METTL15: variants seen among roughly 807,000 people sequenced by gnomAD.
The protein encoded by METTL15 is methyltransferase 15, mitochondrial 12S rRNA N4-cytidine, also known as 12S rRNA N(4)-cytidine methyltransferase METTL15.
In METTL15, 34 loss-of-function variants were observed where a neutral mutation model predicts 38.3. The observed-to-expected ratio is 0.89, with a 90% CI of 0.68 to 1.18. The LOEUF (loss-of-function observed/expected upper bound fraction) is 1.18. Among genes scored for constraint, METTL15 ranks in the 50% most tolerant of loss-of-function variants. The pLI, the probability that METTL15 is intolerant of heterozygous loss-of-function variation, is 0.00. For synonymous variants in METTL15, 162 were observed against 170.9 expected (o/e 0.95, Z 0.41); for missense variants, 438 against 498.4 (o/e 0.88, Z 1.15).
At chr11:28,274,440 A>G (rs1565216780) in intron 4 of METTL15, among the ~76,000 whole-genome samples, 1 of 151,994 alleles carries the variant, frequency 6.6e-6, no homozygotes, top group Non-Finnish European at 1.5e-5. Flanking sequence ...TCATTTCAGT[A>G]TTCTAGTACT....
chr11:28,174,027 G>A lies in METTL15; in HGVS notation c.271-37035G>A, dbSNP rs549487663. 3.9e-5 allele frequency among the ~76,000 whole-genome samples: 6 copies of A among 152,224 alleles called. No homozygotes were observed. In the East Asian group the frequency reaches 7.7e-4, roughly 20 times the overall value. On this transcript the variant is annotated intron_variant, in intron 3 of 6. Transcript: ENST00000407364. ...GGCTGTGTTTACAGATTTCTCCATT[G>A]TAAAGTTACTCATTTTTTCCTTTTG...
chr11:28,153,075 T>C (rs529649701), intron 3 of METTL15, among the ~76,000 whole-genome samples: 1 of 152,140 alleles, frequency 6.6e-6, no homozygotes, highest in South Asian at 2.1e-4. Flanking sequence ...AGATGTCACT[T>C]TCATGGCCAT....
chr11:28,342,840 T>G (rs908678805), intron 3 of METTL15, among the ~76,000 whole-genome samples: 5 of 152,234 alleles, frequency 3.3e-5, no homozygotes, highest in African/African-American at 1.2e-4. Context: ...CATCCTAGTC[T>G]GTAATACAGT....
intron 3 of METTL15, among the ~76,000 whole-genome samples, chr11:28,138,325 T>G (rs1017805911): frequency 6.6e-6 from 1 of 152,192 alleles, no homozygotes; most frequent in Non-Finnish European, 1.5e-5. Flanking sequence ...CTTTTAAATA[T>G]ACCTCTAGCT....
chr11:28,321,224 T>C (rs756236385), intron 6 of METTL15, among the ~76,000 whole-genome samples: 1 of 152,158 alleles, frequency 6.6e-6, no homozygotes, highest in Non-Finnish European at 1.5e-5. Flanking sequence ...TTCTGAACAT[T>C]TTTTAACGTG....
In METTL15 at chr11:28,333,139, GA is replaced by G. The variant is rs1849862875; in HGVS notation, c.*2300del. On this transcript the variant is annotated 3_prime_UTR_variant, in exon 7 of 7. Coordinates refer to ENST00000407364, the MANE Select transcript of METTL15 (RefSeq NM_001113528.2). ...GCACATCTAGCATCCAGAACAGTGAGAATGTATTTCTGCTGTTTTAAGGTAC... is the reference window on the plus strand; with the variant it reads ...GCACATCTAGCATCCAGAACAGTGAGATGTATTTCTGCTGTTTTAAGGTAC... The G allele has an allele frequency of 6.6e-6, 1 of 151,580 alleles. No individual in the cohort carries two copies. Among genetic ancestry groups the G allele is most frequent in the Non-Finnish European group, 1.5e-5 (1 of 67,976 alleles). 9.4% of individuals were successfully genotyped at this position (151,580 alleles called of 1,614,324 possible).
chr11:28,438,641 G>C (rs1359888634), intron 6 of METTL15, among the ~76,000 whole-genome samples: 1 of 150,084 alleles, frequency 6.7e-6, no homozygotes, highest in Non-Finnish European at 1.5e-5. Context: ...GCGGTCTATA[G>C]ATCACGCTTT....
chr11:28,432,202 C>T (rs1275601026), intron 6 of METTL15, among the ~76,000 whole-genome samples: 5 of 152,086 alleles, frequency 3.3e-5, no homozygotes, highest in South Asian at 2.1e-4. Context: ...TAGTTATTGA[C>T]GATGGAAAAG....
chr11:28,261,240 C>T (rs1855188449), intron 4 of METTL15: 1 of 152,144 alleles, frequency 6.6e-6, no homozygotes, highest in South Asian at 2.1e-4. Context: ...AAGAAAAACA[C>T]CAACCAAAAC....
intron 3 of METTL15, among the ~76,000 whole-genome samples, chr11:28,116,626 A>G (rs1455347923): frequency 6.6e-6 from 1 of 152,246 alleles, no homozygotes; most frequent in East Asian, 1.9e-4. Flanking sequence ...AAGGTGTACT[A>G]CAATGGCTAG....
At chr11:28,291,301 C>CACT (rs1356092352) in intron 5 of METTL15, among the ~76,000 whole-genome samples, 1 of 152,092 alleles carries the variant, frequency 6.6e-6, no homozygotes, top group Non-Finnish European at 1.5e-5. Context: ...TTGCCTCAGC[C>CACT]TCCCAAAATG....
intron 3 of METTL15, chr11:28,123,873 A>C: frequency 6.8e-7 from 1 of 1,478,752 alleles, no homozygotes; most frequent in Non-Finnish European, 9.1e-7. Flanking sequence ...AAAAGAAGTA[A>C]ACTGTGGATA....
At chr11:28,218,089 G>A (rs1365020006) in intron 4 of METTL15, among the ~76,000 whole-genome samples, 2 of 151,942 alleles carry the variant, frequency 1.3e-5, no homozygotes, top group Admixed American at 6.6e-5. Context: ...TTCCTATTCC[G>A]AGAAGAAAGT....
intron 6 of METTL15, among the ~76,000 whole-genome samples, chr11:28,466,676 A>G (rs1851259180): frequency 6.6e-6 from 1 of 152,162 alleles, no homozygotes; most frequent in East Asian, 1.9e-4. Context: ...GATTGTCTAC[A>G]TATTTACAGC....
At chr11:28,475,885 T>A (rs1472631427) in intron 6 of METTL15, among the ~76,000 whole-genome samples, 1 of 152,164 alleles carries the variant, frequency 6.6e-6, no homozygotes, top group African/African-American at 2.4e-5. Flanking sequence ...CAATGGCAAA[T>A]TTGGGGGCCT....
chr11:28,434,941 G>A (rs1030550067), intron 6 of METTL15, among the ~76,000 whole-genome samples: 1 of 152,218 alleles, frequency 6.6e-6, no homozygotes, highest in Non-Finnish European at 1.5e-5. Context: ...AAATGCATGA[G>A]CAAATTTTCA....
At chr11:28,384,727 C>T (rs960652239) in intron 5 of METTL15, among the ~76,000 whole-genome samples, 1 of 152,082 alleles carries the variant, frequency 6.6e-6, no homozygotes, top group African/African-American at 2.4e-5. Context: ...CACTGATTTC[C>T]ACAATGTTTG....
At chr11:28,485,615 GAGAGT>G (rs1175901413) in intron 6 of METTL15, among the ~76,000 whole-genome samples, 1 of 152,100 alleles carries the variant, frequency 6.6e-6, no homozygotes, top group Non-Finnish European at 1.5e-5. Context: ...ATGGGGAGGA[GAGAGT>G]AGAGAGTAGA....
chr11:28,181,739 A>C (rs1425832450), intron 3 of METTL15, among the ~76,000 whole-genome samples: 1 of 152,030 alleles, frequency 6.6e-6, no homozygotes, highest in Non-Finnish European at 1.5e-5. Flanking sequence ...GTGTCTTTAT[A>C]GTAGAATGAT....
Sources: allele counts gnomAD v4.1 joint callset (sites outside exome capture counted in the v4.1 genomes callset), GRCh38; gene constraint gnomAD v4.1.1; transcripts MANE v1.5; gene names NCBI Gene and HGNC (gene_info 2026-07-23, HGNC 2026-07-21).